Variants in MEP1A observed in about 807,000 individuals in gnomAD.
The protein encoded by MEP1A is meprin A subunit alpha, also known as N-benzoyl-L-tyrosyl-P-amino-benzoic acid hydrolase subunit alpha.
In MEP1A, 68 loss-of-function variants were observed where a neutral mutation model predicts 84.5. The ratio of observed to expected loss-of-function variants is 0.80; its 90% CI spans 0.66 to 0.98. MEP1A has a LOEUF of 0.98. Among genes scored for constraint, MEP1A ranks in the 50% least tolerant of loss-of-function variants. The pLI is 0.00. For missense variants in MEP1A, 887 were observed against 919.9 expected, an observed-to-expected ratio of 0.96 and a Z score of 0.46; for synonymous variants, 337 against 336.8, an observed-to-expected ratio of 1.00 and a Z score of -0.01.
At chr6:46,832,683 T>A (rs1259329924) in intron 10 of MEP1A, among the ~76,000 whole-genome samples, 1 of 152,050 alleles carries the variant, frequency 6.6e-6, no homozygotes, top group Non-Finnish European at 1.5e-5. Context: ...GAGTTACTAT[T>A]TTTTTTACTT....
chr6:46,821,543 G>C (rs570163129), intron 7 of MEP1A, among the ~76,000 whole-genome samples: 1 of 152,074 alleles, frequency 6.6e-6, no homozygotes, highest in Admixed American at 6.6e-5. Flanking sequence ...CACTACTCAG[G>C]GGACTATTAG....
At chr6:46,820,534 G>A (rs1767748037) in intron 7 of MEP1A, among the ~76,000 whole-genome samples, 2 of 152,114 alleles carry the variant, frequency 1.3e-5, no homozygotes. Flanking sequence ...TTATAGGTGT[G>A]TGTCACCATG....
intron 12 of MEP1A, 94 bp downstream of exon 12, chr6:46,834,845 A>G: frequency 1.1e-6 from 1 of 943,244 alleles, no homozygotes; most frequent in Non-Finnish European, 1.6e-6. Context: ...GAGGGTGGGG[A>G]TGAGGTTAAA....
At chr6:46,806,443 A>G (rs1458033861) in intron 5 of MEP1A, among the ~76,000 whole-genome samples, 1 of 152,076 alleles carries the variant, frequency 6.6e-6, no homozygotes, top group Non-Finnish European at 1.5e-5. Context: ...GTTCTGGAAT[A>G]TAGTCTTTAC....
chr6:46,835,778 C>T (rs189633298), intron 13 of MEP1A, among the ~76,000 whole-genome samples: 302 of 152,280 alleles, frequency 2.0e-3, no homozygotes, highest in South Asian at 6.4e-3. Context: ...CCCTTTTCCC[C>T]TCTTCTGGGG....
In MEP1A at chr6:46,833,516, CT is replaced by C; in HGVS notation, c.1588del (p.Ser530ArgfsTer9). ...TGTCCTCAAGCATGGTGTTCACTAC[CT>C]CGAAGTCGCACACATCTCCAGGTGG... ...RMSSSMVFTTSKSHTSPAIND... is the reference protein window; with the variant it reads ...RMSSSMVFTTXKSHTSPAIND... On this transcript the variant is annotated frameshift_variant, in exon 11 of 14. Coordinates refer to ENST00000230588, the MANE Select transcript of MEP1A (RefSeq NM_005588.3). LOFTEE classifies it high-confidence loss of function. 3.1e-6 allele frequency: 5 copies of C among 1,613,990 alleles called. No homozygotes were observed. Among genetic ancestry groups the C allele is most frequent in the Non-Finnish European group, 4.2e-6 (5 of 1,179,944 alleles).
intron 7 of MEP1A, among the ~76,000 whole-genome samples, chr6:46,824,286 G>A (rs1159211125): frequency 2.0e-5 from 3 of 151,300 alleles, no homozygotes; most frequent in Non-Finnish European, 4.4e-5. Context: ...AGATACACAC[G>A]TATTTATATA....
chr6:46,805,638 T>G (rs1457696336), intron 5 of MEP1A, among the ~76,000 whole-genome samples: 1 of 151,994 alleles, frequency 6.6e-6, no homozygotes, highest in Non-Finnish European at 1.5e-5. Flanking sequence ...TCTTTCAAAC[T>G]TTCATATTAT....
intron 10 of MEP1A, among the ~76,000 whole-genome samples, chr6:46,831,111 A>G (rs1342091072): frequency 5.3e-5 from 8 of 152,214 alleles, no homozygotes; most frequent in Non-Finnish European, 1.2e-4. Flanking sequence ...CCCTGGGAAC[A>G]CTGTATGAAA....
chr6:46,802,415 T>C (rs540344799), intron 5 of MEP1A, among the ~76,000 whole-genome samples: 1 of 152,074 alleles, frequency 6.6e-6, no homozygotes, highest in East Asian at 1.9e-4. Flanking sequence ...TTTTTATATA[T>C]TGATTTTGTA....
chr6:46,795,387 G>A (rs952911984), intron 3 of MEP1A, among the ~76,000 whole-genome samples: 2 of 151,944 alleles, frequency 1.3e-5, no homozygotes, highest in Non-Finnish European at 2.9e-5. Flanking sequence ...TGCAACCTCC[G>A]CCTCCTGGGT....
At chr6:46,803,363 A>C (rs1462929281) in intron 5 of MEP1A, among the ~76,000 whole-genome samples, 1 of 151,682 alleles carries the variant, frequency 6.6e-6, no homozygotes, top group Non-Finnish European at 1.5e-5. Flanking sequence ...CAACTATTTC[A>C]ACTAAGTTGT....
chr6:46,833,978 A>AT (rs35322377), intron 11 of MEP1A, among the ~76,000 whole-genome samples: 289 of 141,682 alleles, frequency 2.0e-3, no homozygotes, highest in Middle Eastern at 3.6e-3. Flanking sequence ...TGGGCAAACT[A>AT]TTTTTTTTTT....
At chr6:46,798,831 T>G (rs1326686347) in intron 4 of MEP1A, among the ~76,000 whole-genome samples, 185 bp downstream of exon 4, 3 of 152,210 alleles carry the variant, frequency 2.0e-5, no homozygotes, top group African/African-American at 7.2e-5. Flanking sequence ...GGAAAATAAG[T>G]AAACAGCACA....
In MEP1A at chr6:46,809,493, C is replaced by A. The variant is rs770637632; in HGVS notation, c.336C>A (p.Pro112=). Residue 112 remains proline (P), a synonymous_variant, in exon 6 of 14, where the codon CCC becomes CCA. Coordinates refer to ENST00000230588, the MANE Select transcript of MEP1A (RefSeq NM_005588.3). ...FRLKSCVDFK[P]YEGESSYIIF... is the part of the protein sequence containing the mutation. ...TCAAGTCCTGTGTGGATTTCAAGCC[C>A]TATGAAGGAGAGAGCTCATATATCA... is the stretch of plus-strand genomic sequence containing the variant. 9.3e-6 allele frequency: 15 copies of A among 1,610,116 alleles called. No individual in the cohort carries two copies. The South Asian group carries it at 1.4e-4, about 15-fold the overall frequency.
chr6:46,816,923 A>G (rs1461714414), intron 6 of MEP1A, among the ~76,000 whole-genome samples: 1 of 152,192 alleles, frequency 6.6e-6, no homozygotes, highest in African/African-American at 2.4e-5. Context: ...GCCATGTGTG[A>G]GGGAACCTAT....
intron 6 of MEP1A, among the ~76,000 whole-genome samples, chr6:46,816,264 T>C (rs1767632305): frequency 6.6e-6 from 1 of 152,148 alleles, no homozygotes; most frequent in Non-Finnish European, 1.5e-5. Flanking sequence ...GCCTCATTCT[T>C]CTATTTTTAA....
Position 46,807,819 on chromosome 6 carries a change from G to C in MEP1A, c.263-1601G>C, listed in dbSNP as rs897115633. The stretch of plus-strand genomic sequence containing the variant: ...AGAAAGAAAGAAAGAAAGAAAGAAA[G>C]AAAGAAAGAAAGAAAGAAAGGAAGA... On this transcript the variant is annotated intron_variant, in intron 5 of 13. Transcript: ENST00000230588. Among the ~76,000 whole-genome samples, 5 of 150,868 alleles carry C rather than the reference G, an allele frequency of 3.3e-5. No homozygotes were observed. The South Asian group carries it at 1.1e-3, about 32-fold the overall frequency.
At chr6:46,800,284 C>T (rs990203627) in intron 5 of MEP1A, among the ~76,000 whole-genome samples, 3 of 152,266 alleles carry the variant, frequency 2.0e-5, no homozygotes, top group East Asian at 1.9e-4. Flanking sequence ...TTTATGTAAC[C>T]TTTACCATGC....
Sources: gnomAD v4.1 joint callset for allele counts (sites outside exome capture counted in the v4.1 genomes callset) on GRCh38, gnomAD v4.1.1 for gene constraint, MANE v1.5 for transcripts, NCBI Gene and HGNC (gene_info 2026-07-23, HGNC 2026-07-21) for gene names.